SPATS2: variants seen among roughly 807,000 people sequenced by gnomAD.
SPATS2 encodes spermatogenesis associated serine rich 2, also known as spermatogenesis-associated serine-rich protein 2.
Under a neutral mutation model 63.7 loss-of-function variants are expected in SPATS2, and 38 were observed. The ratio of observed to expected loss-of-function variants is 0.60; its 90% CI spans 0.46 to 0.78. The LOEUF is 0.78. Among genes scored for constraint, SPATS2 ranks in the 30% least tolerant of loss-of-function variants. The pLI is 0.00. For missense variants in SPATS2, 588 were observed against 666.2 expected, an observed-to-expected ratio of 0.88 and a Z score of 1.29; for synonymous variants, 207 against 232.9, an observed-to-expected ratio of 0.89 and a Z score of 1.01.
At chr12:49,380,878 ATTCT>A (rs1271877117) in intron 2 of SPATS2, among the ~76,000 whole-genome samples, 1 of 149,342 alleles carries the variant, frequency 6.7e-6, no homozygotes, top group Non-Finnish European at 1.5e-5. Context: ...TCATATAGTA[ATTCT>A]TTTTTTTTTT....
At chr12:49,466,749 TC>T (rs1767772459) in intron 3 of SPATS2, among the ~76,000 whole-genome samples, 1 of 152,218 alleles carries the variant, frequency 6.6e-6, no homozygotes, top group African/African-American at 2.4e-5. Context: ...CCAATGATTT[TC>T]CCCACAGAAT....
intron 2 of SPATS2, among the ~76,000 whole-genome samples, chr12:49,385,721 G>C (rs1281442805): frequency 6.6e-6 from 1 of 152,070 alleles, no homozygotes; most frequent in Non-Finnish European, 1.5e-5. Flanking sequence ...AGGAAAAGGT[G>C]TGAAATTGTT....
At chr12:49,410,938 T>G (rs1292531119) in intron 2 of SPATS2, among the ~76,000 whole-genome samples, 1 of 151,490 alleles carries the variant, frequency 6.6e-6, no homozygotes, top group Admixed American at 6.6e-5. Flanking sequence ...ACTTTTAGTT[T>G]TATAGAAGAA....
intron 10 of SPATS2, among the ~76,000 whole-genome samples, chr12:49,515,682 T>C (rs1357033038): frequency 3.9e-5 from 6 of 152,324 alleles, no homozygotes; most frequent in Middle Eastern, 3.4e-3. Flanking sequence ...GAAATGCAGA[T>C]AAACTAAAAC....
intron 4 of SPATS2, among the ~76,000 whole-genome samples, chr12:49,486,634 T>G (rs1414765787): frequency 1.3e-5 from 2 of 152,182 alleles, no homozygotes; most frequent in Non-Finnish European, 2.9e-5. Context: ...TGTATGGTTT[T>G]TTTATTTTTT....
intron 9 of SPATS2, among the ~76,000 whole-genome samples, chr12:49,512,025 G>A (rs1946761798): frequency 6.6e-6 from 1 of 152,118 alleles, no homozygotes; most frequent in Non-Finnish European, 1.5e-5. Flanking sequence ...AAATGCTTTA[G>A]CATAAATAAC....
At chr12:49,502,261 G>A (rs1285679038) in intron 9 of SPATS2, among the ~76,000 whole-genome samples, 4 of 152,100 alleles carry the variant, frequency 2.6e-5, no homozygotes, top group African/African-American at 9.7e-5. Flanking sequence ...GGTCCCCTCA[G>A]TCCTCCTGGT....
intron 4 of SPATS2, among the ~76,000 whole-genome samples, chr12:49,485,753 C>A (rs1946280731): frequency 6.7e-6 from 1 of 148,376 alleles, no homozygotes; most frequent in African/African-American, 2.5e-5. Context: ...GCTTTATGGG[C>A]TCTCTTTTTT....
At chr12:49,376,812 G>A (rs1266052388) in intron 2 of SPATS2, among the ~76,000 whole-genome samples, 1 of 149,612 alleles carries the variant, frequency 6.7e-6, no homozygotes, top group Non-Finnish European at 1.5e-5. Flanking sequence ...TCTGCTGTCC[G>A]GATTCAAGCA....
intron 3 of SPATS2, among the ~76,000 whole-genome samples, chr12:49,464,196 C>T (rs1445898578): frequency 1.3e-5 from 2 of 151,686 alleles, no homozygotes; most frequent in East Asian, 3.8e-4. Context: ...GCACCATCAC[C>T]AAAATCTTGT....
chr12:49,439,818 G>A (rs1303388749), intron 2 of SPATS2, among the ~76,000 whole-genome samples: 2 of 152,160 alleles, frequency 1.3e-5, no homozygotes, highest in Non-Finnish European at 2.9e-5. Flanking sequence ...AACACCTGGC[G>A]TCTTTGCCCT....
At chr12:49,438,632 G>A (rs867713542) in intron 2 of SPATS2, among the ~76,000 whole-genome samples, 11 of 152,216 alleles carry the variant, frequency 7.2e-5, no homozygotes, top group African/African-American at 2.6e-4. Flanking sequence ...TTTCCTGTGT[G>A]TGTTTAATTT....
intron 2 of SPATS2, among the ~76,000 whole-genome samples, chr12:49,439,315 A>C (rs1169303144): frequency 1.3e-5 from 2 of 152,094 alleles, no homozygotes; most frequent in Non-Finnish European, 2.9e-5. Context: ...GGTCATGGGG[A>C]GCACTGAAGG....
At position 49,469,542 on chromosome 12, in the gene SPATS2, T is replaced by TAA. The variant is rs748722366; in HGVS notation, c.25+8526_25+8527dup. ...GTCACTGCACTATGGGCTGGGTCTC[T>TAA]AAAAAAAAAAAAAAAAAAAAAAGAA... On this transcript the variant is annotated intron_variant, in intron 3 of 13. Coordinates refer to ENST00000552918, the MANE Select transcript of SPATS2 (RefSeq NM_023071.4). 2,144 of 317,810 alleles carry TAA rather than the reference T, an allele frequency of 6.7e-3. 12 individuals are homozygous for TAA. Among genetic ancestry groups the TAA allele is most frequent in the East Asian group, 0.014 (151 of 10,584 alleles). The allele number at this position is 317,810 out of a possible 1,614,324, so 19.7% of individuals were successfully genotyped here.
At chr12:49,370,484 CTCAGT>C (rs1943978508) in intron 1 of SPATS2, among the ~76,000 whole-genome samples, 1 of 152,182 alleles carries the variant, frequency 6.6e-6, no homozygotes, top group Admixed American at 6.5e-5. Context: ...ATTCAGCTTC[CTCAGT>C]TGCTTAGTGT....
In SPATS2 at chr12:49,452,762, A is replaced by AT. The variant is rs529512251; in HGVS notation, c.-243-7999dup. ...TATATCATGGTTCTCTTTATTTTTT[A>AT]TTTTTTTTTAACCGTGGTTCTCTTT... On this transcript the variant is annotated intron_variant, in intron 2 of 13. Coordinates refer to ENST00000552918, the MANE Select transcript of SPATS2 (RefSeq NM_023071.4). Among the ~76,000 whole-genome samples the AT allele has an allele frequency of 3.4e-3, 494 of 146,084 alleles. 3 individuals are homozygous for AT. The highest frequency in any genetic ancestry group is 0.011 in the African/African-American group (449 of 39,682).
At chr12:49,369,544 T>G (rs1196547890) in intron 1 of SPATS2, among the ~76,000 whole-genome samples, 1 of 152,254 alleles carries the variant, frequency 6.6e-6, no homozygotes, top group African/African-American at 2.4e-5. Context: ...TGTTTGCTCT[T>G]TCTGCTTCAC....
intron 2 of SPATS2, among the ~76,000 whole-genome samples, chr12:49,435,251 C>T (rs1401327757): frequency 2.0e-5 from 3 of 151,472 alleles, no homozygotes; most frequent in Non-Finnish European, 2.9e-5. Flanking sequence ...AGGATGGTCT[C>T]GATCTCCTGA....
At chr12:49,471,024 A>G (rs934762156) in intron 3 of SPATS2, among the ~76,000 whole-genome samples, 1 of 152,212 alleles carries the variant, frequency 6.6e-6, no homozygotes, top group African/African-American at 2.4e-5. Flanking sequence ...AACAAACTCA[A>G]TTTTTAAATT....
Sources: allele counts gnomAD v4.1 joint callset (sites outside exome capture counted in the v4.1 genomes callset), GRCh38; gene constraint gnomAD v4.1.1; transcripts MANE v1.5; gene names NCBI Gene and HGNC (gene_info 2026-07-23, HGNC 2026-07-21).